Variants in LRP1B observed in about 807,000 individuals in gnomAD.
The protein encoded by LRP1B is LDL receptor related protein 1B.
In LRP1B, 217 loss-of-function variants were observed where a neutral mutation model predicts 556.6. That is an observed-to-expected ratio of 0.39 (90% confidence interval 0.35 to 0.44). The LOEUF is 0.44. Ranked by LOEUF, LRP1B falls within the 20% of genes least tolerant of loss-of-function variation. The probability of loss-of-function intolerance (pLI) is 1.00; values close to 1 mark genes in which losing one functional copy is unlikely to be tolerated. For synonymous variants in LRP1B, 2,047 were observed against 1,865.8 expected, an observed-to-expected ratio of 1.10 and a Z score of -2.50; for missense variants, 5,053 against 5,620.8, an observed-to-expected ratio of 0.90 and a Z score of 3.23.
intron 43 of LRP1B, among the ~76,000 whole-genome samples, chr2:140,588,062 G>A (rs898405252): frequency 2.0e-5 from 3 of 152,054 alleles, no homozygotes; most frequent in African/African-American, 7.2e-5. Context: ...CACAACAGAT[G>A]GCAAAGAATG....
At chr2:140,547,085 G>A (rs1180531023) in intron 43 of LRP1B, among the ~76,000 whole-genome samples, 1 of 152,074 alleles carries the variant, frequency 6.6e-6, no homozygotes, top group African/African-American at 2.4e-5. Flanking sequence ...TGCTATCAAT[G>A]TTCATCAAGG....
intron 2 of LRP1B, among the ~76,000 whole-genome samples, chr2:141,583,382 T>A (rs1444767979): frequency 1.3e-5 from 2 of 152,080 alleles, no homozygotes; most frequent in Non-Finnish European, 2.9e-5. Flanking sequence ...CAGAATAAGA[T>A]GGTACTTGGG....
At chr2:140,252,627 AG>A (rs1270448762) in intron 86 of LRP1B, among the ~76,000 whole-genome samples, 1 of 152,084 alleles carries the variant, frequency 6.6e-6, no homozygotes, top group Non-Finnish European at 1.5e-5. Flanking sequence ...GGAGAGTACC[AG>A]GCTCTAATTT....
chr2:141,003,843 T>G (rs1420541960), intron 15 of LRP1B, among the ~76,000 whole-genome samples: 1 of 151,996 alleles, frequency 6.6e-6, no homozygotes, highest in Non-Finnish European at 1.5e-5. Context: ...TCCATACCAG[T>G]GTAAGCATTC....
intron 2 of LRP1B, among the ~76,000 whole-genome samples, chr2:141,682,826 C>T (rs1359408304): frequency 6.6e-6 from 1 of 152,108 alleles, no homozygotes; most frequent in Non-Finnish European, 1.5e-5. Context: ...CTTTTTGTAT[C>T]TAGAAATCTC....
chr2:141,583,694 T>C (rs534699174), intron 2 of LRP1B, among the ~76,000 whole-genome samples: 29 of 151,952 alleles, frequency 1.9e-4, no homozygotes, highest in African/African-American at 6.7e-4. Context: ...CAATATATCA[T>C]TGAAACAGTT....
rs777633791 is a variant in LRP1B, at chr2:140,950,385, C to G, written c.2986G>C (p.Gly996Arg). 1.2e-6 allele frequency: 2 copies of G among 1,605,280 alleles called. No individual in the cohort carries two copies. The highest frequency in any genetic ancestry group is 1.3e-5 in the African/African-American group (1 of 74,454). The change falls in exon 20 of 91, where the codon GGG becomes CGG. Residue 996 changes from glycine to arginine, a missense_variant. Physicochemically the swap from Gly to Arg is moderately radical, Grantham distance 125 (BLOSUM62 -2). Coordinates refer to ENST00000389484, the MANE Select transcript of LRP1B (RefSeq NM_018557.3). Reference protein sequence around the residue: ...HCDSDDDCGDGSDEVGCVHSC... With the variant: ...HCDSDDDCGDRSDEVGCVHSC... ...TGAACACAGCCCACCTCATCACTCC[C>G]GTCCCCACAGTCGTCATCTGGAAAG... is the stretch of plus-strand genomic sequence containing the variant.
rs2104881636 is a variant in LRP1B, at chr2:140,238,226, T to A, written c.13486A>T (p.Asn4496Tyr). 6 of 1,601,204 alleles carry A rather than the reference T, an allele frequency of 3.7e-6. No individual in the cohort carries two copies. The highest frequency in any genetic ancestry group is 5.1e-6 in the Non-Finnish European group (6 of 1,170,306). ...INVEIGNPSY[N>Y]MYEVDHDHND... Reference sequence around the variant, plus strand: ...TGATCATGATCTACCTCATACATGTTATAAGATGGATTGCCAATTTCTACA... The same window carrying A: ...TGATCATGATCTACCTCATACATGTAATAAGATGGATTGCCAATTTCTACA... The change falls in exon 89 of 91, where the codon AAC becomes TAC. Residue 4496 changes from asparagine (N) to tyrosine (Y), a missense_variant. Physicochemically the swap from Asn to Tyr is moderately radical, Grantham distance 143. Around this residue, in one of 5 missense-constraint regions of LRP1B, gnomAD observed 551 missense variants for 592.0 expected, o/e 0.93. Transcript: ENST00000389484.
chr2:141,412,399 T>G (rs1418574257), intron 3 of LRP1B, among the ~76,000 whole-genome samples: 2 of 152,202 alleles, frequency 1.3e-5, no homozygotes, highest in Non-Finnish European at 2.9e-5. Context: ...ATAATTTATT[T>G]TATATAAGAA....
At chr2:140,400,081 C>T (rs529038483) in intron 66 of LRP1B, among the ~76,000 whole-genome samples, 1 of 152,142 alleles carries the variant, frequency 6.6e-6, no homozygotes, top group Non-Finnish European at 1.5e-5. Flanking sequence ...CTTGAACACT[C>T]AAGTGATGAA....
intron 3 of LRP1B, 64 bp from the exon 4 acceptor site, chr2:141,254,705 C>A: frequency 1.5e-6 from 2 of 1,318,516 alleles, no homozygotes; most frequent in South Asian, 1.3e-5. Context: ...TTGTATTTCT[C>A]AGTGTACAAT....
chr2:141,319,243 C>G (rs955172496), intron 3 of LRP1B, among the ~76,000 whole-genome samples: 5 of 150,462 alleles, frequency 3.3e-5, no homozygotes, highest in Admixed American at 6.6e-5. Flanking sequence ...ATATCTTTAC[C>G]CTTTGACCAT....
intron 2 of LRP1B, among the ~76,000 whole-genome samples, chr2:141,682,178 G>C (rs1691128453): frequency 1.3e-5 from 2 of 152,078 alleles, no homozygotes; most frequent in Admixed American, 6.6e-5. Flanking sequence ...GATGGTCATA[G>C]ACTAGAAAGC....
At chr2:141,200,507 G>C (rs1681963675) in intron 6 of LRP1B, among the ~76,000 whole-genome samples, 1 of 152,072 alleles carries the variant, frequency 6.6e-6, no homozygotes, top group Admixed American at 6.6e-5. Context: ...ATCTGATATA[G>C]TCATGGCTTA....
intron 2 of LRP1B, among the ~76,000 whole-genome samples, chr2:141,528,459 G>A (rs747696887): frequency 6.2e-4 from 95 of 152,066 alleles, no homozygotes; most frequent in South Asian, 8.3e-4. Context: ...ATAGATATAA[G>A]AAAGCCAAAG....
At position 141,018,929 on chromosome 2, in the gene LRP1B, T is replaced by C. The variant is rs1436349287; in HGVS notation, c.1970+993A>G. ...ACCGCAATTTGGTAATCTCGGTTTA[T>C]AAGGGATTCACATGCCTCCTATACA... On this transcript the variant is annotated intron_variant, in intron 12 of 90. Transcript: ENST00000389484. Among the ~76,000 whole-genome samples, 33 of 152,046 alleles carry C rather than the reference T, an allele frequency of 2.2e-4. 1 individual carries two copies. Among genetic ancestry groups the C allele is most frequent in the Admixed American group, 2.2e-3 (33 of 15,228 alleles).
rs111689282 is a variant in LRP1B, at chr2:141,432,559, G to A, written c.343+47837C>T. On this transcript the variant is annotated intron_variant, in intron 3 of 90. Transcript: ENST00000389484. ...TAGAATTAACCTTGAAGCTATCTGG[G>A]CCTTTCTTTGTGGAAAATTTAAAAT... Among the ~76,000 whole-genome samples the A allele has an allele frequency of 6.3e-4, 96 of 151,850 alleles. 1 individual carries two copies. Among genetic ancestry groups the A allele is most frequent in the African/African-American group, 1.9e-3 (80 of 41,472 alleles).
chr2:141,092,188 G>T (rs1372139230), intron 7 of LRP1B, among the ~76,000 whole-genome samples: 1 of 152,182 alleles, frequency 6.6e-6, no homozygotes, highest in African/African-American at 2.4e-5. Context: ...GTTGACAATA[G>T]TAAGTGCTGA....
chr2:140,571,973 T>C (rs905913275), intron 43 of LRP1B, among the ~76,000 whole-genome samples: 2 of 151,654 alleles, frequency 1.3e-5, no homozygotes, highest in African/African-American at 4.8e-5. Flanking sequence ...ACCTTGTATC[T>C]CATCATATAA....
Sources: gnomAD v4.1 joint callset for allele counts (sites outside exome capture counted in the v4.1 genomes callset) on GRCh38, gnomAD v4.1.1 for gene constraint, gnomAD v4.1.1 regional missense constraint, MANE v1.5 for transcripts, NCBI Gene and HGNC (gene_info 2026-07-23, HGNC 2026-07-21) for gene names.